Variants in RAPGEF1 observed in about 807,000 individuals in gnomAD.
The protein encoded by RAPGEF1 is Rap guanine nucleotide exchange factor 1, also known as CRK SH3-binding GNRP.
In RAPGEF1, 33 loss-of-function variants were observed where a neutral mutation model predicts 143.3. The ratio of observed to expected loss-of-function variants is 0.23; its 90% confidence interval spans 0.17 to 0.31. The LOEUF is 0.31. Among genes scored for constraint, RAPGEF1 ranks in the 10% least tolerant of loss-of-function variants. RAPGEF1 has a pLI of 1.00. For missense variants in RAPGEF1, 1,199 were observed against 1,645.4 expected, an observed-to-expected ratio of 0.73 and a Z score of 4.69; for synonymous variants, 629 against 676.5, an observed-to-expected ratio of 0.93 and a Z score of 1.09.
Position 131,584,326 on chromosome 9 carries a change from C to T in RAPGEF1, c.3399G>A (p.Gln1133=). 1.9e-6 allele frequency: 3 copies of T among 1,612,238 alleles called. No homozygotes were observed. The highest frequency in any genetic ancestry group is 2.7e-5 in the African/African-American group (2 of 75,046). The part of the protein sequence containing the change: ...DSAPIRRLEW[Q]KQTSEGLAEY... ...GGCCACTCACCTCTGAAGTCTGCTT[C>T]TGCCACTCCAGCCTGCGGATGGGCG... Residue 1133 remains glutamine, a synonymous_variant, in exon 24 of 27, where the codon CAG becomes CAA. Transcript: ENST00000683357. The surrounding 1 kb of genome is among the most constrained non-coding windows in gnomAD (Gnocchi z 6.8).
At chr9:131,627,213 C>CAAAAAAAAAAAA (rs10690802) in intron 9 of RAPGEF1, among the ~76,000 whole-genome samples, 27 of 97,394 alleles carry the variant, frequency 2.8e-4, no homozygotes, top group African/African-American at 8.4e-4. Context: ...GGCTCTGTCT[C>CAAAAAAAAAAAA]AAAAAAAAAA....
At chr9:131,712,643 T>C (rs1835590080) in intron 1 of RAPGEF1, among the ~76,000 whole-genome samples, 2 of 152,198 alleles carry the variant, frequency 1.3e-5, no homozygotes, top group South Asian at 4.1e-4. Context: ...TGGGCTCAGG[T>C]GTGCCCTCTC....
At position 131,628,096 on chromosome 9, in the gene RAPGEF1, C is replaced by G; in HGVS notation, c.1018G>C (p.Asp340His). The change falls in exon 9 of 27, where the codon GAT becomes CAT. Residue 340 changes from aspartate to histidine, a missense_variant and splice_region_variant. By Grantham distance (81) the Asp-to-His change is moderately conservative. Coordinates refer to ENST00000683357, the MANE Select transcript of RAPGEF1 (RefSeq NM_001377935.1). The surrounding 1 kb of genome is among the most constrained non-coding windows in gnomAD (Gnocchi z 5.7). ...TGTGCGTAACAGTCAACATCAAAAT[C>G]CTCAAGTGGAAAAAGAAAAACAAAG... is the stretch of plus-strand genomic sequence containing the variant. ...SSLPVGINRQ[D>H]FDVDCYAQRR... 6.5e-7 allele frequency: 1 copy of G among 1,538,966 alleles called. No individual in the cohort carries two copies. The highest frequency in any genetic ancestry group is 8.8e-7 in the Non-Finnish European group (1 of 1,139,882).
chr9:131,661,427 T>TG (rs112863860), intron 1 of RAPGEF1, among the ~76,000 whole-genome samples: 104 of 151,768 alleles, frequency 6.9e-4, no homozygotes, highest in African/African-American at 2.3e-3. Flanking sequence ...GCTCGGGGAG[T>TG]GGGGGGTGGT....
At chr9:131,705,901 A>G (rs967940752) in intron 1 of RAPGEF1, among the ~76,000 whole-genome samples, 6 of 152,158 alleles carry the variant, frequency 3.9e-5, no homozygotes, top group African/African-American at 1.4e-4. Flanking sequence ...GGTGTAGGAC[A>G]TGGAAACACA....
chr9:131,602,105 C>A lies in RAPGEF1; in HGVS notation c.2457G>T (p.Ala819=), dbSNP rs549201601. Residue 819 remains alanine (A), a synonymous_variant, in exon 15 of 27, where the codon GCG becomes GCT. Transcript: ENST00000683357. ...TGTCCTTCCCAGGGACGCCGCTGAC[C>A]GCTGAGGGATCTCTGGGATGTCCGT... The part of the protein sequence containing the change: ...GKDGHPRDPS[A]VSGVPGKDSR... The A allele has an allele frequency of 1.9e-6, 3 of 1,603,846 alleles. No individual in the cohort carries two copies. The highest frequency in any genetic ancestry group is 2.7e-5 in the African/African-American group (2 of 74,708).
rs955411369 is a variant in RAPGEF1 at position 131,583,305 on chromosome 9, C to T, written c.3415-603G>A. On this transcript the variant is annotated intron_variant, in intron 24 of 26. Coordinates refer to ENST00000683357, the MANE Select transcript of RAPGEF1 (RefSeq NM_001377935.1). This position sits in a 1 kb window ranked among gnomAD's most constrained non-coding sequence, Gnocchi z 4.7. ...CTGAAGTGCTGCCTCCTGAGGACCC[C>T]CCATGCAGAGGCCGTGTGAATTTCC... 8.5e-5 allele frequency among the ~76,000 whole-genome samples: 13 copies of T among 152,294 alleles called. No homozygotes were observed. The highest frequency in any genetic ancestry group is 8.5e-4 in the Admixed American group (13 of 15,300).
rs1053529312 is a variant in RAPGEF1, at chr9:131,655,903, G to C, written c.62-4954C>G. Among the ~76,000 whole-genome samples the C allele has an allele frequency of 1.4e-4, 22 of 151,902 alleles. No homozygotes were observed. The highest frequency in any genetic ancestry group is 6.6e-5 in the Admixed American group (1 of 15,252). Reference sequence around the variant, plus strand: ...CGCCCGGCCAAAAAATTTTCTAAAAGGGGGGTGTGCACTGGAGTCAGAATG... The same window carrying C: ...CGCCCGGCCAAAAAATTTTCTAAAACGGGGGTGTGCACTGGAGTCAGAATG... On this transcript the variant is annotated intron_variant, in intron 1 of 26. Coordinates refer to ENST00000683357, the MANE Select transcript of RAPGEF1 (RefSeq NM_001377935.1). The surrounding 1 kb of genome is among the most constrained non-coding windows in gnomAD (Gnocchi z 4.1).
chr9:131,735,887 T>C lies in RAPGEF1; in HGVS notation c.61+3883A>G, dbSNP rs1167291833. Among the ~76,000 whole-genome samples, 5 of 152,346 alleles carry C rather than the reference T, an allele frequency of 3.3e-5. No homozygotes were observed. In the East Asian group the frequency reaches 7.7e-4, roughly 23 times the overall value. ...TGAGTGACTTCCTGATTTTTCAATA[T>C]TGACCATCAATTCTTTTGTTTTTTT... On this transcript the variant is annotated intron_variant, in intron 1 of 26. Transcript: ENST00000683357.
intron 1 of RAPGEF1, among the ~76,000 whole-genome samples, chr9:131,654,155 G>A (rs551652413): frequency 4.6e-5 from 7 of 152,010 alleles, no homozygotes; most frequent in Non-Finnish European, 1.0e-4. Context: ...GCTATAATCA[G>A]TATGGAGTTT....
chr9:131,726,701 G>A (rs1002836735), intron 1 of RAPGEF1, among the ~76,000 whole-genome samples: 1 of 148,660 alleles, frequency 6.7e-6, no homozygotes, highest in Admixed American at 6.8e-5. Flanking sequence ...GGGGCGGCAA[G>A]AAGGCTTTTT....
intron 12 of RAPGEF1, among the ~76,000 whole-genome samples, chr9:131,611,002 C>G (rs776998366): frequency 2.0e-5 from 3 of 152,224 alleles, no homozygotes; most frequent in Non-Finnish European, 4.4e-5. Context: ...CAATTAACTA[C>G]TGGTTTACAC....
At chr9:131,642,516 T>C (rs575610458) in intron 4 of RAPGEF1, among the ~76,000 whole-genome samples, 2 of 152,298 alleles carry the variant, frequency 1.3e-5, no homozygotes, top group South Asian at 4.1e-4. Flanking sequence ...AACCACCTCT[T>C]AGTCAAAGGC....
At chr9:131,633,102 AAAT>A (rs1408410595) in intron 5 of RAPGEF1, among the ~76,000 whole-genome samples, 1 of 152,234 alleles carries the variant, frequency 6.6e-6, no homozygotes, top group Non-Finnish European at 1.5e-5. Flanking sequence ...TGGAGAAGCA[AAAT>A]CTCTAAGAGC....
intron 1 of RAPGEF1, among the ~76,000 whole-genome samples, chr9:131,680,926 C>T (rs112012723): frequency 2.0e-4 from 31 of 152,148 alleles, no homozygotes; most frequent in African/African-American, 6.3e-4. Context: ...GTGGAGGGGT[C>T]GCCAGAGTGA....
intron 12 of RAPGEF1, among the ~76,000 whole-genome samples, chr9:131,608,815 C>G (rs781048896): frequency 6.6e-6 from 1 of 152,148 alleles, no homozygotes; most frequent in Non-Finnish European, 1.5e-5. Context: ...TACAACAGGC[C>G]CCCATCTCTA....
chr9:131,584,451 G>C lies in RAPGEF1; in HGVS notation c.3313-39C>G, dbSNP rs755793216. 5.0e-6 allele frequency: 8 copies of C among 1,613,128 alleles called. No homozygotes were observed. Among genetic ancestry groups the C allele is most frequent in the East Asian group, 2.2e-5 (1 of 44,870 alleles). On this transcript the variant is annotated intron_variant, in intron 23 of 26. Transcript: ENST00000683357. This position sits in a 1 kb window ranked among gnomAD's most constrained non-coding sequence, Gnocchi z 6.8. ...GGCGGTGCCGTGAGGCAGGAGGGCA[G>C]GCGGGTCCCGGGCTCCCAGAGCAGG...
At chr9:131,597,714 G>A (rs1588301121) in intron 16 of RAPGEF1, among the ~76,000 whole-genome samples, 1 of 152,162 alleles carries the variant, frequency 6.6e-6, no homozygotes, top group Non-Finnish European at 1.5e-5. Flanking sequence ...GTCCAGGCCT[G>A]AATTTTCTTT....
Position 131,650,870 on chromosome 9 carries a change from T to G in RAPGEF1, c.141A>C (p.Pro47=). ...KFHSPKIKRT[P]SKKGKPAEVS... ...CCTCAGCTGGTTTTCCCTTCTTTGA[T>G]GGCGTTCTCTTGATTTTGGGTGAGT... The change falls in exon 2 of 27, where the codon CCA becomes CCC. Residue 47 remains proline (P), a synonymous_variant. Transcript: ENST00000683357. The surrounding 1 kb of genome is among the most constrained non-coding windows in gnomAD (Gnocchi z 4.7). The G allele has an allele frequency of 6.2e-7, 1 of 1,614,036 alleles. No individual in the cohort carries two copies. The highest frequency in any genetic ancestry group is 8.5e-7 in the Non-Finnish European group (1 of 1,179,890).
Sources: allele counts gnomAD v4.1 joint callset (sites outside exome capture counted in the v4.1 genomes callset), GRCh38; gene constraint gnomAD v4.1.1; non-coding constraint Gnocchi (gnomAD v3.1); transcripts MANE v1.5; gene names NCBI Gene and HGNC (gene_info 2026-07-23, HGNC 2026-07-21).